Variants in C4orf51 observed in about 807,000 individuals in gnomAD.
The protein encoded by C4orf51 is chromosome 4 open reading frame 51, also known as uncharacterized protein C4orf51.
In C4orf51, 25 loss-of-function variants were observed where a neutral mutation model predicts 25.2. That is an observed-to-expected ratio of 0.99 (90% CI 0.72 to 1.39). The LOEUF (loss-of-function observed/expected upper bound fraction) is 1.39, where lower values mean the gene tolerates loss of function less well. Ranked by LOEUF, C4orf51 falls within the 40% of genes most tolerant of loss-of-function variation. C4orf51 has a pLI of 0.00. For synonymous variants in C4orf51, 100 were observed against 84.5 expected (o/e 1.18, Z -1.01); for missense variants, 252 against 239.6 (o/e 1.05, Z -0.34).
chr4:145,719,588 CAAA>C (rs57272346), intron 2 of C4orf51, among the ~76,000 whole-genome samples: 1 of 90,156 alleles, frequency 1.1e-5, no homozygotes, highest in Non-Finnish European at 2.3e-5. Flanking sequence ...GACTCTGTCT[CAAA>C]AAAAAAAAAA....
downstream of C4orf51, among the ~76,000 whole-genome samples, chr4:145,757,203 T>A (rs1734011723): frequency 6.6e-6 from 1 of 152,368 alleles, no homozygotes; most frequent in African/African-American, 2.4e-5. Flanking sequence ...TTGCAAAACA[T>A]ACCATTTTTC....
At chr4:145,742,868 T>C (rs1733177131) in intron 1 of C4orf51, among the ~76,000 whole-genome samples, 1 of 152,140 alleles carries the variant, frequency 6.6e-6, no homozygotes, top group South Asian at 2.1e-4. Flanking sequence ...CAGGAAACTA[T>C]TGTGATCCAC....
In C4orf51 at chr4:145,680,286, G is replaced by A. The variant is rs775251545; in HGVS notation, c.83G>A (p.Arg28His). The A allele has an allele frequency of 2.0e-5, 32 of 1,613,778 alleles. No individual in the cohort carries two copies. Among genetic ancestry groups the A allele is most frequent in the African/African-American group, 2.7e-5 (2 of 74,898 alleles). Residue 28 changes from arginine (R) to histidine (H), a missense_variant, in exon 1 of 6, where the codon CGC becomes CAC. Physicochemically the swap from Arg to His is conservative, Grantham distance 29. Transcript: ENST00000438731. ...TCTCAAGAGTTTGATCTGATCAGACGCAAGGCTGGAGCATCTTGGCAGGAT... is the reference window on the plus strand; with the variant it reads ...TCTCAAGAGTTTGATCTGATCAGACACAAGGCTGGAGCATCTTGGCAGGAT... Reference protein sequence around the residue: ...LTSQEFDLIRRKAGASWQDET... With the variant: ...LTSQEFDLIRHKAGASWQDET...
At chr4:145,764,346 G>A (rs1246206376) in intron 1 of C4orf51, among the ~76,000 whole-genome samples, 1 of 152,162 alleles carries the variant, frequency 6.6e-6, no homozygotes, top group Non-Finnish European at 1.5e-5. Flanking sequence ...GTTGGCACCT[G>A]TTATCAAGCC....
At chr4:145,707,863 G>GTTTGTCCT (rs1343236086) in intron 2 of C4orf51, among the ~76,000 whole-genome samples, 1 of 152,232 alleles carries the variant, frequency 6.6e-6, no homozygotes, top group Non-Finnish European at 1.5e-5. Flanking sequence ...TTGCCCTCAA[G>GTTTGTCCT]TTTGTCCTGT....
At chr4:145,755,348 A>T (rs561283573), downstream of C4orf51, among the ~76,000 whole-genome samples, 2 of 152,320 alleles carry the variant, frequency 1.3e-5, no homozygotes, top group African/African-American at 4.8e-5. Context: ...ACCTATAAAG[A>T]ATTGTGTAGG....
intron 2 of C4orf51, among the ~76,000 whole-genome samples, chr4:145,705,069 A>G (rs986974757): frequency 6.6e-6 from 1 of 152,220 alleles, no homozygotes; most frequent in African/African-American, 2.4e-5. Flanking sequence ...GTGGCCTGCT[A>G]ACACTTGAGA....
chr4:145,680,825 T>TC (rs1238593752), intron 1 of C4orf51, among the ~76,000 whole-genome samples: 1 of 152,162 alleles, frequency 6.6e-6, no homozygotes, highest in East Asian at 1.9e-4. Flanking sequence ...ATGAAATCCT[T>TC]CCCTACTCCC....
chr4:145,690,360 C>T (rs59437872), intron 1 of C4orf51, among the ~76,000 whole-genome samples: 1 of 151,678 alleles, frequency 6.6e-6, no homozygotes, highest in East Asian at 1.9e-4. Context: ...AAAAAATTAG[C>T]TGGGCATGGT....
intron 1 of C4orf51, among the ~76,000 whole-genome samples, chr4:145,739,203 C>T (rs1732966128): frequency 6.6e-6 from 1 of 152,196 alleles, no homozygotes; most frequent in African/African-American, 2.4e-5. Context: ...ACTTTGTCCA[C>T]TCATTTAGTA....
chr4:145,733,875 G>A (rs908353552), downstream of C4orf51, among the ~76,000 whole-genome samples: 1 of 152,140 alleles, frequency 6.6e-6, no homozygotes, highest in Admixed American at 6.5e-5. Flanking sequence ...GGAGAGAAAG[G>A]CCTCTGTTTA....
At chr4:145,740,542 GAAT>G (rs1733045578) in intron 1 of C4orf51, among the ~76,000 whole-genome samples, 1 of 152,140 alleles carries the variant, frequency 6.6e-6, no homozygotes, top group African/African-American at 2.4e-5. Flanking sequence ...GAGGGATTCT[GAAT>G]AATAACCACC....
chr4:145,756,326 A>G (rs1050124361), downstream of C4orf51, among the ~76,000 whole-genome samples: 13 of 152,244 alleles, frequency 8.5e-5, no homozygotes, highest in Non-Finnish European at 1.9e-4. Flanking sequence ...ATATTTATGT[A>G]GCATGACAGT....
intron 2 of C4orf51, among the ~76,000 whole-genome samples, chr4:145,716,113 A>G (rs2126737090): frequency 6.6e-6 from 1 of 152,310 alleles, no homozygotes; most frequent in Admixed American, 6.5e-5. Flanking sequence ...TATTATCAAA[A>G]TTGTCTATTA....
rs1410649413 is a variant in C4orf51, at chr4:145,761,364, C to T, written n.167-9624C>T. On this transcript the variant is annotated intron_variant and non_coding_transcript_variant, in intron 1 of 1. Coordinates refer to the C4orf51 transcript ENST00000510096. This position sits in a 1 kb window ranked among gnomAD's most constrained non-coding sequence, Gnocchi z 6.8. The stretch of plus-strand genomic sequence containing the variant: ...ACTGGTCACAGTGGAAGGGCCGCTC[C>T]CCGGTGTGGACGCGCACGTGCTCGA... 1 of 1,289,950 alleles carries T rather than the reference C, an allele frequency of 7.8e-7. No individual in the cohort carries two copies. The highest frequency in any genetic ancestry group is 2.3e-5 in the Admixed American group (1 of 43,572). The allele number at this position is 1,289,950 out of a possible 1,614,324, so 79.9% of individuals were successfully genotyped here. A position where few individuals can be genotyped will look rare whatever the true frequency, so the allele number is the denominator to read the frequency against.
chr4:145,781,869 A>G, the C4orf51 span, among the ~76,000 whole-genome samples: 3 of 152,380 alleles, frequency 2.0e-5, no homozygotes, highest in Admixed American at 1.3e-4. Flanking sequence ...GAATGAATGA[A>G]TTGGGTCAAA....
intron 2 of C4orf51, among the ~76,000 whole-genome samples, chr4:145,702,878 C>T (rs1478352986): frequency 1.7e-4 from 25 of 151,074 alleles, no homozygotes; most frequent in Admixed American, 1.7e-3. Flanking sequence ...TACCACAAGA[C>T]CTCCCTTCAG....
At chr4:145,739,973 G>C (rs1333316549) in intron 1 of C4orf51, among the ~76,000 whole-genome samples, 4 of 152,052 alleles carry the variant, frequency 2.6e-5, no homozygotes, top group African/African-American at 9.7e-5. Flanking sequence ...CGTGGAACTG[G>C]TATTCAACCA....
At chr4:145,766,588 G>A (rs1236113826) in intron 1 of C4orf51, among the ~76,000 whole-genome samples, 1 of 152,220 alleles carries the variant, frequency 6.6e-6, no homozygotes, top group Non-Finnish European at 1.5e-5. Context: ...GATTTTGCAG[G>A]ACGGAGTATC....
Sources: gnomAD v4.1 joint callset for allele counts (sites outside exome capture counted in the v4.1 genomes callset) on GRCh38, gnomAD v4.1.1 for gene constraint, Gnocchi (gnomAD v3.1) non-coding constraint, MANE v1.5 for transcripts, NCBI Gene and HGNC (gene_info 2026-07-23, HGNC 2026-07-21) for gene names.